The following CD200R1 variants were observed in gnomAD, a reference collection of about 807,000 sequenced individuals.
The protein encoded by CD200R1 is CD200 receptor 1.
Under a neutral mutation model 38.1 loss-of-function variants are expected in CD200R1, and 30 were observed. That is an observed-to-expected ratio of 0.79 (90% CI 0.59 to 1.07). CD200R1 has a LOEUF of 1.07. Ranked by LOEUF, CD200R1 falls within the 50% of genes least tolerant of loss-of-function variation. The pLI is 0.00. For missense variants in CD200R1, 372 were observed against 415.4 expected, an observed-to-expected ratio of 0.90 and a Z score of 0.91; for synonymous variants, 128 against 152.1, an observed-to-expected ratio of 0.84 and a Z score of 1.16.
chr3:112,931,995 A>G (rs1940453645), intron 2 of CD200R1, among the ~76,000 whole-genome samples: 1 of 152,130 alleles, frequency 6.6e-6, no homozygotes, highest in Non-Finnish European at 1.5e-5. Context: ...ACCAGCCCCT[A>G]TAGCTACTGA....
chr3:112,927,074 C>T (rs1011358000), intron 5 of CD200R1, among the ~76,000 whole-genome samples: 3 of 152,062 alleles, frequency 2.0e-5, no homozygotes, highest in Non-Finnish European at 4.4e-5. Context: ...TTTTATGTAG[C>T]ACACCTTTCC....
At chr3:112,943,559 C>T (rs1361445208) in intron 2 of CD200R1, among the ~76,000 whole-genome samples, 1 of 151,556 alleles carries the variant, frequency 6.6e-6, no homozygotes, top group Non-Finnish European at 1.5e-5. Context: ...CAGACTCCAA[C>T]TTTACGAAAC....
chr3:112,964,782 T>C (rs1933115465), intron 1 of CD200R1, among the ~76,000 whole-genome samples: 1 of 152,066 alleles, frequency 6.6e-6, no homozygotes, highest in Non-Finnish European at 1.5e-5. Context: ...GGACATGAGA[T>C]TTGGGAGGGT....
chr3:112,966,669 T>C (rs1206421845), intron 1 of CD200R1, among the ~76,000 whole-genome samples: 1 of 152,048 alleles, frequency 6.6e-6, no homozygotes, highest in African/African-American at 2.4e-5. Flanking sequence ...CATAAACACA[T>C]ACTGGTTGGA....
At position 112,923,661 on chromosome 3, in the gene CD200R1, A is replaced by C; in HGVS notation, c.*16T>G. 8.2e-7 allele frequency: 1 copy of C among 1,221,450 alleles called. No individual in the cohort carries two copies. Among genetic ancestry groups the C allele is most frequent in the Non-Finnish European group, 1.2e-6 (1 of 832,042 alleles). 75.7% of individuals were successfully genotyped at this position (1,221,450 alleles called of 1,614,324 possible). A position where few individuals can be genotyped will look rare whatever the true frequency, so the allele number is the denominator to read the frequency against. On this transcript the variant is annotated 3_prime_UTR_variant, in exon 8 of 8. Transcript: ENST00000308611. Reference sequence around the variant, plus strand: ...ATCTCGTTTGTTGTTGTTTCTTGGTACTAGAGTCCAACAACTTATAAAGTA... The same window carrying C: ...ATCTCGTTTGTTGTTGTTTCTTGGTCCTAGAGTCCAACAACTTATAAAGTA...
intron 1 of CD200R1, among the ~76,000 whole-genome samples, chr3:112,950,465 A>T (rs1940952368): frequency 6.6e-6 from 1 of 152,078 alleles, no homozygotes; most frequent in Non-Finnish European, 1.5e-5. Context: ...ATCAATATCA[A>T]CTTAAGATGT....
At chr3:112,965,625 G>C (rs1933139441) in intron 1 of CD200R1, among the ~76,000 whole-genome samples, 1 of 152,160 alleles carries the variant, frequency 6.6e-6, no homozygotes, top group African/African-American at 2.4e-5. Context: ...GCTGGGCACA[G>C]TGGCGCACGC....
intron 2 of CD200R1, among the ~76,000 whole-genome samples, chr3:112,940,792 C>T (rs1940708140): frequency 6.6e-6 from 1 of 151,642 alleles, no homozygotes; most frequent in Non-Finnish European, 1.5e-5. Context: ...AGCAATCTTG[C>T]TCGTAAACAT....
intron 2 of CD200R1, among the ~76,000 whole-genome samples, chr3:112,945,816 T>G (rs1407532278): frequency 6.6e-6 from 1 of 151,628 alleles, no homozygotes; most frequent in African/African-American, 2.4e-5. Flanking sequence ...GATCACGAGG[T>G]CAGGAAATCG....
At chr3:112,934,837 C>A (rs1205831026) in intron 2 of CD200R1, among the ~76,000 whole-genome samples, 2 of 151,874 alleles carry the variant, frequency 1.3e-5, no homozygotes, top group African/African-American at 4.8e-5. Flanking sequence ...TCTCAAAAAA[C>A]CAACTATATG....
At chr3:112,972,762 A>G (rs1933342211) in intron 1 of CD200R1, among the ~76,000 whole-genome samples, 1 of 152,212 alleles carries the variant, frequency 6.6e-6, no homozygotes, top group Non-Finnish European at 1.5e-5. Context: ...CCAAATGAAT[A>G]CTATGTTTTA....
At position 112,922,223 on chromosome 3, in the gene CD200R1, G is replaced by A. The variant is rs1359882491; in HGVS notation, c.*1454C>T. On this transcript the variant is annotated 3_prime_UTR_variant, in exon 8 of 8. Transcript: ENST00000308611. ...ATAGCTGTCTTAAAAATCTCAGATG[G>A]TATGATTGAAGAATGAATATATTTT... 2 of 151,942 alleles carry A rather than the reference G, an allele frequency of 1.3e-5. No homozygotes were observed. Among genetic ancestry groups the A allele is most frequent in the Non-Finnish European group, 2.9e-5 (2 of 67,916 alleles). The allele number at this position is 151,942 out of a possible 1,614,324, so 9.4% of individuals were successfully genotyped here. A position where few individuals can be genotyped will look rare whatever the true frequency, so the allele number is the denominator to read the frequency against.
chr3:112,947,687 A>G (rs1267262507), intron 2 of CD200R1, among the ~76,000 whole-genome samples, 169 bp downstream of exon 2: 1 of 152,220 alleles, frequency 6.6e-6, no homozygotes, highest in African/African-American at 2.4e-5. Context: ...ATAGGTACTA[A>G]ATAAGCATAG....
chr3:112,942,492 G>A (rs1047867926), intron 2 of CD200R1, among the ~76,000 whole-genome samples: 1 of 151,570 alleles, frequency 6.6e-6, no homozygotes, highest in Non-Finnish European at 1.5e-5. Flanking sequence ...GATAGAAAAT[G>A]GCATCATATA....
intron 1 of CD200R1, among the ~76,000 whole-genome samples, chr3:112,952,809 A>G (rs1940998717): frequency 6.6e-6 from 1 of 152,042 alleles, no homozygotes; most frequent in Non-Finnish European, 1.5e-5. Context: ...TAAATAAATA[A>G]ATAATTTTTC....
chr3:112,941,416 T>G (rs1940726069), intron 2 of CD200R1, among the ~76,000 whole-genome samples: 1 of 151,636 alleles, frequency 6.6e-6, no homozygotes, highest in Non-Finnish European at 1.5e-5. Flanking sequence ...CATAAATATG[T>G]GCAATTATTA....
At chr3:112,969,252 T>C (rs981499371) in intron 1 of CD200R1, among the ~76,000 whole-genome samples, 5 of 152,192 alleles carry the variant, frequency 3.3e-5, no homozygotes, top group South Asian at 2.1e-4. Flanking sequence ...CTTGAATATA[T>C]AGCAATAGAA....
chr3:112,953,198 A>G (rs760210539), intron 1 of CD200R1, among the ~76,000 whole-genome samples: 125 of 152,090 alleles, frequency 8.2e-4, no homozygotes, highest in Non-Finnish European at 1.6e-3. Flanking sequence ...GCTTTTTTGC[A>G]TCTATGGAAA....
intron 2 of CD200R1, among the ~76,000 whole-genome samples, chr3:112,944,368 T>G (rs1371360421): frequency 6.6e-6 from 1 of 151,982 alleles, no homozygotes; most frequent in Non-Finnish European, 1.5e-5. Context: ...TTCCATCACA[T>G]CAATAAGCTA....
Sources: allele counts gnomAD v4.1 joint callset (sites outside exome capture counted in the v4.1 genomes callset), GRCh38; gene constraint gnomAD v4.1.1; transcripts MANE v1.5; gene names NCBI Gene and HGNC (gene_info 2026-07-23, HGNC 2026-07-21).